TMEM100: variants seen among roughly 807,000 people sequenced by gnomAD.
The protein encoded by TMEM100 is transmembrane protein 100.
For synonymous variants in TMEM100, 61 were observed against 67.1 expected (o/e 0.91, Z 0.44); for missense variants, 137 against 168.2 (o/e 0.81, Z 1.02).
intron 1 of TMEM100, among the ~76,000 whole-genome samples, chr17:55,729,548 G>C (rs1406687413): frequency 6.6e-6 from 1 of 152,052 alleles, no homozygotes; most frequent in Non-Finnish European, 1.5e-5. Context: ...TGCATTGTGT[G>C]AATTGTCAAA....
chr17:55,732,030 A>C (rs1231840322), exon 1 of TMEM100: 1 of 152,278 alleles, frequency 6.6e-6, no homozygotes, highest in Non-Finnish European at 1.5e-5. Flanking sequence ...GGAAAGCCCA[A>C]GGGTGAATCT....
At chr17:55,727,296 G>T (rs1909097074), upstream of TMEM100, among the ~76,000 whole-genome samples, 1 of 152,230 alleles carries the variant, frequency 6.6e-6, no homozygotes, top group Non-Finnish European at 1.5e-5. Flanking sequence ...GGAGGCCAAA[G>T]ATGAGGAAGC....
chr17:55,724,531 A>G (rs547501346), upstream of TMEM100, among the ~76,000 whole-genome samples: 2 of 152,342 alleles, frequency 1.3e-5, no homozygotes, highest in South Asian at 4.1e-4. Flanking sequence ...TGCCCCCGGA[A>G]GATGGTAAGA....
At chr17:55,724,999 C>A (rs1209579913), upstream of TMEM100, among the ~76,000 whole-genome samples, 1 of 152,130 alleles carries the variant, frequency 6.6e-6, no homozygotes. Context: ...AGTAGACAAC[C>A]AATGATTTGT....
chr17:55,721,373 C>G, intron 1 of TMEM100: 1 of 292,698 alleles, frequency 3.4e-6, no homozygotes, highest in East Asian at 6.0e-5. Flanking sequence ...TTAATATACC[C>G]TGGCGGTCTA....
At chr17:55,723,677 T>C (rs559357501), upstream of TMEM100, among the ~76,000 whole-genome samples, 6 of 152,344 alleles carry the variant, frequency 3.9e-5, no homozygotes, top group Admixed American at 6.5e-5. Context: ...GTTTGAACCC[T>C]AATCTTTAAT....
At chr17:55,723,644 A>T (rs144162163), upstream of TMEM100, among the ~76,000 whole-genome samples, 977 of 152,318 alleles carry the variant, frequency 6.4e-3, 13 homozygotes, top group African/African-American at 0.022. Context: ...AACAAAGATC[A>T]CCCAGTAACA....
intron 1 of TMEM100, among the ~76,000 whole-genome samples, chr17:55,730,960 A>T (rs976537753): frequency 6.6e-6 from 1 of 152,240 alleles, no homozygotes; most frequent in South Asian, 2.1e-4. Flanking sequence ...AGCAATGTAA[A>T]AACTTGGTAA....
At chr17:55,722,316 TAA>T (rs1908919138) in intron 1 of TMEM100, among the ~76,000 whole-genome samples, 1 of 152,210 alleles carries the variant, frequency 6.6e-6, no homozygotes, top group Admixed American at 6.5e-5. Flanking sequence ...ATTCATACTT[TAA>T]ATATATTAAG....
At chr17:55,729,385 C>G (rs982188605) in intron 1 of TMEM100, among the ~76,000 whole-genome samples, 1 of 152,102 alleles carries the variant, frequency 6.6e-6, no homozygotes, top group Non-Finnish European at 1.5e-5. Flanking sequence ...TAATTAATAG[C>G]TTGAGGTTGC....
chr17:55,725,401 G>C (rs1174614249), upstream of TMEM100, among the ~76,000 whole-genome samples: 1 of 152,156 alleles, frequency 6.6e-6, no homozygotes, highest in Non-Finnish European at 1.5e-5. Context: ...AGCCTCCAAT[G>C]CATGAATTAT....
upstream of TMEM100, among the ~76,000 whole-genome samples, chr17:55,724,496 A>G (rs988328894): frequency 7.9e-5 from 12 of 152,176 alleles, no homozygotes; most frequent in African/African-American, 2.9e-4. Flanking sequence ...ACTTAGAACC[A>G]GGGCATTTCA....
upstream of TMEM100, among the ~76,000 whole-genome samples, chr17:55,726,488 C>A (rs1468087268): frequency 1.3e-5 from 2 of 152,172 alleles, no homozygotes; most frequent in African/African-American, 4.8e-5. Context: ...AATTTCTCCT[C>A]TGGGAACACA....
upstream of TMEM100, among the ~76,000 whole-genome samples, chr17:55,727,506 C>G (rs993281621): frequency 2.2e-4 from 33 of 152,122 alleles, no homozygotes; most frequent in African/African-American, 1.7e-4. Context: ...CCACTCCTCC[C>G]TATACCTGAT....
rs1188432252 is a variant in TMEM100, at chr17:55,720,915, G to A, written c.156C>T (p.Ser52=). The change falls in exon 2 of 2, where the codon TCC becomes TCT. Residue 52 remains serine, a synonymous_variant. Transcript: ENST00000424486. Reference sequence around the variant, plus strand: ...CAAAGGGGATGATGCAGCGGTAGCAGGAGAGCTCGGTACCCCCTGTAGCAG... The same window carrying A: ...CAAAGGGGATGATGCAGCGGTAGCAAGAGAGCTCGGTACCCCCTGTAGCAG... The part of the protein sequence containing the change: ...LMAATGGTEL[S]CYRCIIPFAV... 1 of 1,614,222 alleles carries A rather than the reference G, an allele frequency of 6.2e-7. No homozygotes were observed. Among genetic ancestry groups the A allele is most frequent in the South Asian group, 1.1e-5 (1 of 91,092 alleles).
rs997167125 is a variant in TMEM100, at chr17:55,719,805, C to T, written c.*861G>A. On this transcript the variant is annotated 3_prime_UTR_variant, in exon 2 of 2. Transcript: ENST00000424486. ...CAAAAATCCTCCAGTAAAGAAGGAA[C>T]CTGTCCATTTGAGAGAAATACAATT... 6.6e-6 allele frequency: 1 copy of T among 152,536 alleles called. No individual in the cohort carries two copies. Among genetic ancestry groups the T allele is most frequent in the Non-Finnish European group, 1.5e-5 (1 of 68,032 alleles). 9.4% of individuals were successfully genotyped at this position (152,536 alleles called of 1,614,324 possible).
chr17:55,729,402 C>A (rs1439056724), intron 1 of TMEM100, among the ~76,000 whole-genome samples: 2 of 152,008 alleles, frequency 1.3e-5, no homozygotes, highest in African/African-American at 4.8e-5. Context: ...TTGCTGTGAG[C>A]AGAAATAGGT....
intron 1 of TMEM100, among the ~76,000 whole-genome samples, chr17:55,729,827 A>G (rs1909161301): frequency 6.6e-6 from 1 of 152,184 alleles, no homozygotes; most frequent in African/African-American, 2.4e-5. Context: ...GAACATAACT[A>G]TGCAATTCTT....
Position 55,721,047 on chromosome 17 carries a change from C to A in TMEM100, c.24G>T (p.Glu8Asp), listed in dbSNP as rs1490670595. Residue 8 changes from glutamate to aspartate, a missense_variant, in exon 2 of 2, where the codon GAG becomes GAT. Glu to Asp is a conservative substitution (Grantham distance 45). Transcript: ENST00000424486. Reference sequence around the variant, plus strand: ...TGTGAGCCTTTGGGGCTCCCAGGATCTCCTTGATGGGCTCTTCAGTCATTT... The same window carrying A: ...TGTGAGCCTTTGGGGCTCCCAGGATATCCTTGATGGGCTCTTCAGTCATTT... MTEEPIK[E>D]ILGAPKAHMA... 1.9e-6 allele frequency: 3 copies of A among 1,612,664 alleles called. No homozygotes were observed. The African/African-American group carries it at 4.0e-5, about 22-fold the overall frequency.
Sources: gnomAD v4.1 joint callset for allele counts (sites outside exome capture counted in the v4.1 genomes callset) on GRCh38, gnomAD v4.1.1 for gene constraint, MANE v1.5 for transcripts, NCBI Gene and HGNC (gene_info 2026-07-23, HGNC 2026-07-21) for gene names.